CD1B: variants seen among roughly 807,000 people sequenced by gnomAD.
CD1B encodes T-cell surface glycoprotein CD1b.
CD1B carries 43 observed loss-of-function variants against 39.8 expected under a neutral mutation model. The observed-to-expected ratio is 1.08, with a 90% CI of 0.85 to 1.39. CD1B has a LOEUF of 1.39. Ranked by LOEUF, CD1B falls within the 40% of genes most tolerant of loss-of-function variation. CD1B has a pLI of 0.00. For synonymous variants in CD1B, 192 were observed against 152.5 expected, an observed-to-expected ratio of 1.26 and a Z score of -1.91; for missense variants, 495 against 403.8, an observed-to-expected ratio of 1.23 and a Z score of -1.94.
chr1:158,330,591 A>C (rs1316009498), intron 2 of CD1B: 1 of 712,778 alleles, frequency 1.4e-6, no homozygotes, highest in Non-Finnish European at 2.6e-6. Context: ...GTCTGAGAGT[A>C]AGAGAAGAGT....
At chr1:158,300,751 TC>T in the CD1B span, among the ~76,000 whole-genome samples, 1 of 145,646 alleles carries the variant, frequency 6.9e-6, no homozygotes, top group Non-Finnish European at 1.5e-5. Flanking sequence ...TCTTTGTCTC[TC>T]TCTCTCTCTT....
chr1:158,320,133 G>A, the CD1B span, among the ~76,000 whole-genome samples: 3 of 152,356 alleles, frequency 2.0e-5, 1 homozygote, highest in Admixed American at 6.5e-5. Context: ...CCTGCCCCCA[G>A]AGGTGGAGCC....
chr1:158,330,157 T>A (rs1455518052), intron 2 of CD1B, 27 bp from the exon 3 acceptor site: 1 of 1,557,964 alleles, frequency 6.4e-7, no homozygotes, highest in Non-Finnish European at 8.6e-7. Context: ...GAGAGCAAGT[T>A]ATTAAACACA....
chr1:158,306,836 T>C, the CD1B span, among the ~76,000 whole-genome samples: 1 of 151,930 alleles, frequency 6.6e-6, no homozygotes, highest in Non-Finnish European at 1.5e-5. Context: ...GACTACTGGG[T>C]ACATAATGAA....
the CD1B span, among the ~76,000 whole-genome samples, chr1:158,301,587 C>A: frequency 6.6e-6 from 1 of 152,122 alleles, no homozygotes; most frequent in South Asian, 2.1e-4. Context: ...GTTGAAAATT[C>A]TTTTCTTTAA....
chr1:158,322,406 AT>A, the CD1B span, among the ~76,000 whole-genome samples: 5 of 137,914 alleles, frequency 3.6e-5, no homozygotes, highest in African/African-American at 1.5e-4. Flanking sequence ...CTGGCTATTT[AT>A]TTTTTTTCTG....
chr1:158,325,837 A>T (rs1489056610), downstream of CD1B, among the ~76,000 whole-genome samples: 2 of 152,228 alleles, frequency 1.3e-5, no homozygotes, highest in East Asian at 3.8e-4. Flanking sequence ...TAACTTGTAC[A>T]TATGTAAAAT....
the CD1B span, among the ~76,000 whole-genome samples, chr1:158,299,440 A>T: frequency 2.0e-5 from 3 of 152,176 alleles, no homozygotes; most frequent in Admixed American, 6.5e-5. Flanking sequence ...AGGATTTTGC[A>T]TCAGTGTTCA....
the CD1B span, among the ~76,000 whole-genome samples, chr1:158,321,304 T>C: frequency 6.6e-6 from 1 of 152,252 alleles, no homozygotes; most frequent in Non-Finnish European, 1.5e-5. Flanking sequence ...AAGTCTATTA[T>C]GTCTGATATA....
At chr1:158,291,186 C>G in the CD1B span, 7 of 1,613,856 alleles carry the variant, frequency 4.3e-6, no homozygotes, top group Admixed American at 1.7e-5. Context: ...CATTTGTCAA[C>G]CAATCCTGGG....
downstream of CD1B, among the ~76,000 whole-genome samples, chr1:158,326,811 T>TTATTA (rs1417744937): frequency 5.3e-3 from 777 of 145,238 alleles, 1 homozygote; most frequent in African/African-American, 0.021. Context: ...TATTATTATT[T>TTATTA]TTGGAGACAG....
the CD1B span, among the ~76,000 whole-genome samples, chr1:158,303,248 C>A: frequency 6.6e-6 from 1 of 152,068 alleles, no homozygotes; most frequent in Non-Finnish European, 1.5e-5. Flanking sequence ...GGTTAAAAAC[C>A]CTTAAGAAAC....
the CD1B span, among the ~76,000 whole-genome samples, chr1:158,308,433 T>C: frequency 1.3e-5 from 2 of 152,120 alleles, no homozygotes; most frequent in Non-Finnish European, 2.9e-5. Context: ...TTCAATGCCA[T>C]CTCCATCAAG....
the CD1B span, among the ~76,000 whole-genome samples, chr1:158,307,276 A>T: frequency 6.6e-6 from 1 of 152,188 alleles, no homozygotes; most frequent in African/African-American, 2.4e-5. Flanking sequence ...AGAAATACAG[A>T]CTACCATCAG....
the CD1B span, among the ~76,000 whole-genome samples, chr1:158,318,967 T>C: frequency 1.6e-4 from 24 of 152,282 alleles, no homozygotes; most frequent in South Asian, 4.8e-3. Flanking sequence ...AAAATTCTTT[T>C]CTTTAAGAAT....
the CD1B span, among the ~76,000 whole-genome samples, chr1:158,307,452 A>C: frequency 1.3e-5 from 2 of 152,150 alleles, no homozygotes; most frequent in African/African-American, 4.8e-5. Context: ...ATAGCTTACC[A>C]ATCAAAAAAA....
chr1:158,317,700 G>T, the CD1B span, among the ~76,000 whole-genome samples: 1 of 152,078 alleles, frequency 6.6e-6, no homozygotes, highest in South Asian at 2.1e-4. Flanking sequence ...CTTGCCTTCT[G>T]CTAGCTTTTG....
downstream of CD1B, among the ~76,000 whole-genome samples, chr1:158,325,992 C>T (rs138896216): frequency 1.5e-3 from 223 of 152,212 alleles, 1 homozygote; most frequent in African/African-American, 4.7e-3. Flanking sequence ...TTTCTTGAGA[C>T]GGAGTCTTGC....
the CD1B span, among the ~76,000 whole-genome samples, chr1:158,301,228 T>C: frequency 6.6e-6 from 1 of 152,112 alleles, no homozygotes; most frequent in African/African-American, 2.4e-5. Context: ...CACTGATGGG[T>C]CTTGACTCTT....
Sources: allele counts gnomAD v4.1 joint callset (sites outside exome capture counted in the v4.1 genomes callset), GRCh38; gene constraint gnomAD v4.1.1; transcripts MANE v1.5; gene names NCBI Gene and HGNC (gene_info 2026-07-23, HGNC 2026-07-21).